METAP1: variants seen among roughly 807,000 people sequenced by gnomAD.
METAP1 encodes the protein methionyl aminopeptidase 1.
In METAP1, 28 loss-of-function variants were observed where a neutral mutation model predicts 53.8. The observed-to-expected ratio is 0.52, with a 90% CI of 0.39 to 0.71. The LOEUF is 0.71. Ranked by LOEUF, METAP1 falls within the 30% of genes least tolerant of loss-of-function variation. The pLI is 0.00. For synonymous variants in METAP1, 181 were observed against 165.7 expected (o/e 1.09, Z -0.71); for missense variants, 389 against 479.8 (o/e 0.81, Z 1.77).
At chr4:99,037,165 G>C (rs770718434) in intron 4 of METAP1, among the ~76,000 whole-genome samples, 1 of 151,532 alleles carries the variant, frequency 6.6e-6, no homozygotes, top group African/African-American at 2.4e-5. Flanking sequence ...CCCTGTTAGA[G>C]TACTAGTTTT....
intron 7 of METAP1, 144 bp from the exon 8 acceptor site, chr4:99,045,035 A>G: frequency 1.3e-6 from 1 of 765,424 alleles, no homozygotes. Context: ...CTGTTGGGCA[A>G]TAACTATCTA....
chr4:99,039,116 A>G (rs1725659264), intron 4 of METAP1: 1 of 295,894 alleles, frequency 3.4e-6, no homozygotes, highest in Non-Finnish European at 6.2e-6. Context: ...TATAATAAGT[A>G]CTCTATAAGT....
intron 3 of METAP1, among the ~76,000 whole-genome samples, chr4:99,034,613 G>A (rs1579296414): frequency 6.6e-6 from 1 of 152,106 alleles, no homozygotes; most frequent in Non-Finnish European, 1.5e-5. Flanking sequence ...CTGGCATGAT[G>A]GTAGTGTGTA....
At chr4:99,039,705 TG>T (rs1239492678) in intron 5 of METAP1, among the ~76,000 whole-genome samples, 2 of 152,062 alleles carry the variant, frequency 1.3e-5, no homozygotes, top group East Asian at 3.9e-4. Flanking sequence ...GCGATTCTTC[TG>T]CCTCAGCCTC....
At chr4:98,998,750 T>G (rs1401249111) in intron 1 of METAP1, among the ~76,000 whole-genome samples, 1 of 152,122 alleles carries the variant, frequency 6.6e-6, no homozygotes, top group Non-Finnish European at 1.5e-5. Context: ...TCACACCACC[T>G]TGTTTATTCC....
chr4:99,028,680 G>A (rs536008912), intron 1 of METAP1, among the ~76,000 whole-genome samples, 187 bp from the exon 2 acceptor site: 1 of 152,224 alleles, frequency 6.6e-6, no homozygotes, highest in Admixed American at 6.5e-5. Context: ...TAAAGTTTAG[G>A]TTGCTTTTTG....
intron 9 of METAP1, 21 bp from the exon 10 acceptor site, chr4:99,057,732 G>T: frequency 6.4e-7 from 1 of 1,562,886 alleles, no homozygotes; most frequent in Non-Finnish European, 8.7e-7. Context: ...TACCTTTTGA[G>T]ATTTTTTTCT....
intron 1 of METAP1, among the ~76,000 whole-genome samples, chr4:99,011,041 C>CA (rs988953729): frequency 1.1e-4 from 7 of 64,592 alleles, no homozygotes; most frequent in African/African-American, 7.0e-4. Context: ...TTAGCTCTAA[C>CA]AGTTTTTTTT....
At chr4:99,054,897 A>G (rs562683419) in intron 9 of METAP1, among the ~76,000 whole-genome samples, 111 of 152,280 alleles carry the variant, frequency 7.3e-4, no homozygotes, top group Middle Eastern at 3.4e-3. Context: ...GGTGCTCCAA[A>G]ACAATTAAAA....
intron 10 of METAP1, among the ~76,000 whole-genome samples, chr4:99,058,990 C>T (rs938669103): frequency 2.6e-5 from 4 of 152,138 alleles, no homozygotes; most frequent in Admixed American, 1.3e-4. Context: ...GTTCTGATCA[C>T]GTGCAACCAG....
intron 1 of METAP1, among the ~76,000 whole-genome samples, chr4:99,007,786 C>A (rs950655623): frequency 3.6e-4 from 55 of 152,090 alleles, no homozygotes; most frequent in African/African-American, 1.3e-3. Context: ...CTTCTATATC[C>A]TTTTGAGTCT....
chr4:99,033,016 A>G (rs914887930), intron 2 of METAP1, among the ~76,000 whole-genome samples: 33 of 152,180 alleles, frequency 2.2e-4, no homozygotes, highest in African/African-American at 8.0e-4. Context: ...CATTCTTGTC[A>G]GTTGTACCTT....
rs898208923 is a variant in METAP1 at position 99,061,878 on chromosome 4, C to CT, written c.*562dup. ...TCCTGGTTGGGATTTGGCCTCCCCTCTCCCCCATGCTAATTATTTACCCTT... is the reference window on the plus strand; with the variant it reads ...TCCTGGTTGGGATTTGGCCTCCCCTCTTCCCCCATGCTAATTATTTACCCTT... On this transcript the variant is annotated 3_prime_UTR_variant, in exon 11 of 11. Transcript: ENST00000296411. 3.3e-5 allele frequency: 5 copies of CT among 152,268 alleles called. No individual in the cohort carries two copies. Among genetic ancestry groups the CT allele is most frequent in the African/African-American group, 9.6e-5 (4 of 41,454 alleles). The allele number at this position is 152,268 out of a possible 1,614,324, so 9.4% of individuals were successfully genotyped here. A position where few individuals can be genotyped will look rare whatever the true frequency, so the allele number is the denominator to read the frequency against.
Position 99,062,357 on chromosome 4 carries a change from C to T in METAP1, c.*1040C>T, listed in dbSNP as rs561945837. ...CTGTAACCTTGCAGTAGAGATGCAG[C>T]TGTCCTTCGTGTGTGGAAACACACC... On this transcript the variant is annotated 3_prime_UTR_variant, in exon 11 of 11. Coordinates refer to ENST00000296411, the MANE Select transcript of METAP1 (RefSeq NM_015143.3). 5 of 152,548 alleles carry T rather than the reference C, an allele frequency of 3.3e-5. No individual in the cohort carries two copies. The highest frequency in any genetic ancestry group is 3.3e-4 in the Admixed American group (5 of 15,308). 9.4% of individuals were successfully genotyped at this position (152,548 alleles called of 1,614,324 possible). A position where few individuals can be genotyped will look rare whatever the true frequency, so the allele number is the denominator to read the frequency against.
chr4:99,045,448 G>T, intron 8 of METAP1, 138 bp downstream of exon 8: 1 of 854,092 alleles, frequency 1.2e-6, no homozygotes. Flanking sequence ...GTTGTTAGCA[G>T]TAATGGGTAA....
chr4:99,009,287 G>A (rs1243258314), intron 1 of METAP1, among the ~76,000 whole-genome samples: 1 of 152,206 alleles, frequency 6.6e-6, no homozygotes, highest in African/African-American at 2.4e-5. Context: ...CATTTGGGTT[G>A]TCTCTACCTC....
chr4:99,028,955 A>G, intron 2 of METAP1, 37 bp downstream of exon 2: 1 of 1,390,530 alleles, frequency 7.2e-7, no homozygotes, highest in East Asian at 2.5e-5. Flanking sequence ...CATTTGTCTT[A>G]GAAGTGGCAT....
At chr4:99,022,986 G>T (rs1229505700) in intron 1 of METAP1, 2 of 1,474,942 alleles carry the variant, frequency 1.4e-6, no homozygotes, top group Non-Finnish European at 1.8e-6. Context: ...TATGGCCCAG[G>T]TACACAATAC....
At chr4:99,005,997 A>C (rs1481745350) in intron 1 of METAP1, 2 of 163,802 alleles carry the variant, frequency 1.2e-5, no homozygotes, top group Non-Finnish European at 2.7e-5. Context: ...ACTGCACTAA[A>C]ATCTCAGACT....
Sources: allele counts gnomAD v4.1 joint callset (sites outside exome capture counted in the v4.1 genomes callset), GRCh38; gene constraint gnomAD v4.1.1; transcripts MANE v1.5; gene names NCBI Gene and HGNC (gene_info 2026-07-23, HGNC 2026-07-21).